Variants in DOCK3 observed in about 807,000 individuals in gnomAD.
DOCK3 encodes dedicator of cytokinesis protein 3.
Under a neutral mutation model 265.6 loss-of-function variants are expected in DOCK3, and 60 were observed. The observed-to-expected ratio is 0.23, with a 90% CI of 0.18 to 0.28. DOCK3 has a LOEUF of 0.28. Ranked by LOEUF, DOCK3 falls within the 10% of genes least tolerant of loss-of-function variation. The pLI is 1.00. For synonymous variants in DOCK3, 881 were observed against 938.0 expected, an observed-to-expected ratio of 0.94 and a Z score of 1.11; for missense variants, 1,981 against 2,594.3, an observed-to-expected ratio of 0.76 and a Z score of 5.14.
intron 27 of DOCK3, among the ~76,000 whole-genome samples, chr3:51,296,079 A>G (rs1265790313): frequency 6.6e-6 from 1 of 152,180 alleles, no homozygotes; most frequent in African/African-American, 2.4e-5. Flanking sequence ...TATACAGAAA[A>G]TTCTAAGGCA....
At chr3:50,951,078 A>C (rs1476441194) in intron 5 of DOCK3, among the ~76,000 whole-genome samples, 2 of 152,182 alleles carry the variant, frequency 1.3e-5, no homozygotes, top group African/African-American at 4.8e-5. Context: ...TCTATTAAGA[A>C]GTAGCCCTCA....
At chr3:50,967,954 TCTTA>T (rs1437554685) in intron 5 of DOCK3, among the ~76,000 whole-genome samples, 2 of 152,196 alleles carry the variant, frequency 1.3e-5, no homozygotes, top group African/African-American at 4.8e-5. Flanking sequence ...TTGAGAATTC[TCTTA>T]CTGTTTTCCA....
At chr3:51,048,257 A>G (rs2109089080) in intron 5 of DOCK3, among the ~76,000 whole-genome samples, 2 of 152,324 alleles carry the variant, frequency 1.3e-5, no homozygotes, top group East Asian at 3.9e-4. Context: ...TCCATGTATG[A>G]CAGCCTCACA....
intron 10 of DOCK3, among the ~76,000 whole-genome samples, chr3:51,152,721 TG>T (rs2085663396): frequency 6.6e-6 from 1 of 152,262 alleles, no homozygotes; most frequent in African/African-American, 2.4e-5. Context: ...TATTCCCTTC[TG>T]TTTGTTAGTT....
At chr3:51,054,585 G>T (rs2081129480) in intron 5 of DOCK3, among the ~76,000 whole-genome samples, 1 of 152,050 alleles carries the variant, frequency 6.6e-6, no homozygotes, top group Non-Finnish European at 1.5e-5. Flanking sequence ...TGTCTTCCTA[G>T]AACCCTTTGA....
intron 9 of DOCK3, among the ~76,000 whole-genome samples, chr3:51,106,392 C>T (rs927217775): frequency 1.1e-4 from 16 of 152,218 alleles, no homozygotes; most frequent in African/African-American, 3.6e-4. Context: ...CACCCTTCCT[C>T]CACTGCAGCC....
At chr3:50,927,467 A>G (rs1032950450) in intron 4 of DOCK3, among the ~76,000 whole-genome samples, 1 of 152,220 alleles carries the variant, frequency 6.6e-6, no homozygotes, top group Non-Finnish European at 1.5e-5. Flanking sequence ...GAGGTGATGG[A>G]TATTCCATTT....
At chr3:51,228,255 C>T (rs1450950375) in intron 17 of DOCK3, among the ~76,000 whole-genome samples, 167 bp downstream of exon 17, 4 of 152,170 alleles carry the variant, frequency 2.6e-5, no homozygotes, top group African/African-American at 7.2e-5. Flanking sequence ...CTTCTAAGTG[C>T]GGTGGCCGTC....
intron 1 of DOCK3, among the ~76,000 whole-genome samples, chr3:50,762,072 C>T (rs1202200454): frequency 6.6e-6 from 1 of 151,880 alleles, no homozygotes; most frequent in Non-Finnish European, 1.5e-5. Context: ...CACTTGGACA[C>T]AGGAAGGGGA....
intron 2 of DOCK3, among the ~76,000 whole-genome samples, chr3:50,803,575 A>G (rs992709273): frequency 1.1e-4 from 16 of 150,676 alleles, no homozygotes; most frequent in Non-Finnish European, 1.0e-4. Context: ...CCTGTTCTCA[A>G]TGAGCTGCTG....
chr3:50,735,736 G>A (rs553844206), intron 1 of DOCK3, among the ~76,000 whole-genome samples: 1 of 152,194 alleles, frequency 6.6e-6, no homozygotes, highest in East Asian at 1.9e-4. Flanking sequence ...ATATTAGCCT[G>A]TTCTTGCACT....
At chr3:50,874,749 A>G (rs2047618200) in intron 3 of DOCK3, among the ~76,000 whole-genome samples, 1 of 152,112 alleles carries the variant, frequency 6.6e-6, no homozygotes, top group Non-Finnish European at 1.5e-5. Flanking sequence ...TTTCACTGGT[A>G]GTATATGTAA....
rs150075756 is a variant in DOCK3, at chr3:51,255,103, T to G, written c.2185-5053T>G. 2.6e-3 allele frequency among the ~76,000 whole-genome samples: 393 copies of G among 152,336 alleles called. 3 individuals carry two copies. The highest frequency in any genetic ancestry group is 9.1e-3 in the African/African-American group (380 of 41,562). On this transcript the variant is annotated intron_variant, in intron 22 of 52. Transcript: ENST00000266037. ...TCAGCATTTGCTTGTCTGTAAAGGATTTTATTTCTCTTTCACTTATGAAAC... is the reference window on the plus strand; with the variant it reads ...TCAGCATTTGCTTGTCTGTAAAGGAGTTTATTTCTCTTTCACTTATGAAAC...
intron 5 of DOCK3, among the ~76,000 whole-genome samples, chr3:50,952,877 A>G (rs2076629589): frequency 6.6e-6 from 1 of 152,192 alleles, no homozygotes; most frequent in East Asian, 1.9e-4. Flanking sequence ...TATTGTGAAG[A>G]TAAATAACAA....
chr3:50,983,171 A>G (rs1020853196), intron 5 of DOCK3, among the ~76,000 whole-genome samples: 12 of 151,884 alleles, frequency 7.9e-5, no homozygotes, highest in Non-Finnish European at 1.8e-4. Flanking sequence ...GACTTTGGGT[A>G]CACAGGGGGT....
intron 7 of DOCK3, among the ~76,000 whole-genome samples, chr3:51,088,046 C>T (rs1484356774): frequency 6.6e-6 from 1 of 152,080 alleles, no homozygotes; most frequent in African/African-American, 2.4e-5. Flanking sequence ...GGCATATATG[C>T]ACAATGGAAT....
chr3:51,034,189 T>G (rs936394896), intron 5 of DOCK3, among the ~76,000 whole-genome samples: 12 of 152,270 alleles, frequency 7.9e-5, no homozygotes, highest in African/African-American at 2.9e-4. Context: ...AAAGTACATC[T>G]CTTATAGGTG....
chr3:50,912,115 C>T (rs374108555), intron 4 of DOCK3, among the ~76,000 whole-genome samples: 1 of 152,048 alleles, frequency 6.6e-6, no homozygotes, highest in Admixed American at 6.6e-5. Context: ...TGTTTTCAAA[C>T]AGAAACAGTT....
chr3:51,210,004 A>G (rs761160867), intron 13 of DOCK3, among the ~76,000 whole-genome samples: 9 of 152,256 alleles, frequency 5.9e-5, no homozygotes, highest in Non-Finnish European at 1.0e-4. Flanking sequence ...TTAAAAATAT[A>G]GGAAAGTTAC....
Sources: gnomAD v4.1 joint callset for allele counts (sites outside exome capture counted in the v4.1 genomes callset) on GRCh38, gnomAD v4.1.1 for gene constraint, MANE v1.5 for transcripts, NCBI Gene and HGNC (gene_info 2026-07-23, HGNC 2026-07-21) for gene names.